Variants in ANP32A observed in about 807,000 individuals in gnomAD.
ANP32A encodes acidic leucine-rich nuclear phosphoprotein 32 family member A.
A neutral mutation model predicts 33.9 loss-of-function variants in ANP32A; 1 was observed. The observed-to-expected ratio is 0.03, with a 90% confidence interval of 0.01 to 0.14. ANP32A has a LOEUF of 0.14. ANP32A is among the 10% of genes least tolerant of loss of function. The pLI, the probability that ANP32A is intolerant of heterozygous loss-of-function variation, is 1.00. For missense variants in ANP32A, 155 were observed against 306.0 expected (o/e 0.51, Z 3.68); for synonymous variants, 115 against 120.5 (o/e 0.95, Z 0.30).
chr15:68,809,476 T>A (rs1894284000), intron 1 of ANP32A, among the ~76,000 whole-genome samples: 1 of 152,232 alleles, frequency 6.6e-6, no homozygotes, highest in South Asian at 2.1e-4. Context: ...GTATCCTTTT[T>A]AATTTATATT....
At chr15:68,787,285 A>C (rs1443056661) in intron 3 of ANP32A, 128 bp downstream of exon 3, 2 of 1,318,534 alleles carry the variant, frequency 1.5e-6, no homozygotes, top group East Asian at 4.7e-5. Flanking sequence ...GCTCAATTCT[A>C]TCTCATAGCA....
At chr15:68,783,287 G>T (rs982557015) in intron 4 of ANP32A, among the ~76,000 whole-genome samples, 5 of 152,186 alleles carry the variant, frequency 3.3e-5, no homozygotes, top group Admixed American at 6.5e-5. Context: ...CATGTGAAAG[G>T]CCCCTTCTGG....
At chr15:68,786,756 A>G (rs770748922) in intron 3 of ANP32A, among the ~76,000 whole-genome samples, 10 of 152,172 alleles carry the variant, frequency 6.6e-5, no homozygotes, top group Non-Finnish European at 1.0e-4. Context: ...TCTGGCTGGT[A>G]AATCAGTGAA....
intron 4 of ANP32A, 102 bp from the exon 5 acceptor site, chr15:68,783,155 G>GA (rs1343681177): frequency 1.0e-4 from 156 of 1,509,568 alleles, no homozygotes; most frequent in Non-Finnish European, 1.3e-4. Context: ...TGGGGCTCAT[G>GA]ACCCTCCCAC....
At chr15:68,787,250 C>T in intron 3 of ANP32A, 163 bp downstream of exon 3, 2 of 1,023,706 alleles carry the variant, frequency 2.0e-6, no homozygotes, top group South Asian at 3.2e-5. Context: ...GCCTCAGTTT[C>T]TCTATGGACT....
intron 1 of ANP32A, among the ~76,000 whole-genome samples, chr15:68,816,129 AAT>A (rs1169487221): frequency 1.3e-5 from 2 of 152,176 alleles, no homozygotes; most frequent in African/African-American, 4.8e-5. Flanking sequence ...CTGGCCCTCT[AAT>A]ATCTCCAACC....
rs1893892460 is a variant in ANP32A, at chr15:68,783,248, AAAGAT to A, written c.527-200_527-196del. On this transcript the variant is annotated intron_variant, in intron 4 of 6. Transcript: ENST00000465139. ...ATTAAACACATCCTGAAGTTGTGCC[AAAGAT>A]AAGCCCCCCTCACAAGTGTTATGCA... 3.9e-5 allele frequency among the ~76,000 whole-genome samples: 6 copies of A among 152,288 alleles called. No individual in the cohort carries two copies. In the South Asian group the frequency reaches 1.2e-3, roughly 32 times the overall value.
intron 4 of ANP32A, among the ~76,000 whole-genome samples, chr15:68,783,420 G>A (rs564642839): frequency 6.6e-6 from 1 of 152,206 alleles, no homozygotes; most frequent in Admixed American, 6.5e-5. Flanking sequence ...GAGGCACAGA[G>A]AGAACTGACT....
chr15:68,781,894 G>A (rs1001084166), intron 5 of ANP32A, among the ~76,000 whole-genome samples: 2 of 152,148 alleles, frequency 1.3e-5, no homozygotes, highest in South Asian at 2.1e-4. Flanking sequence ...GTGAGCCACC[G>A]CGCCTGGCCT....
intron 2 of ANP32A, 109 bp downstream of exon 2, chr15:68,787,661 T>C (rs1893949329): frequency 6.3e-7 from 1 of 1,594,030 alleles, no homozygotes. Context: ...TCTGGCATGT[T>C]GGTGCAAGCA....
intron 1 of ANP32A, among the ~76,000 whole-genome samples, chr15:68,815,429 C>A (rs1289359838): frequency 6.6e-6 from 1 of 151,150 alleles, no homozygotes; most frequent in Admixed American, 6.6e-5. Context: ...GTAACGAGAT[C>A]TGTTAACGAG....
chr15:68,807,434 G>T (rs1018095481), intron 1 of ANP32A, among the ~76,000 whole-genome samples: 3 of 147,522 alleles, frequency 2.0e-5, no homozygotes, highest in Non-Finnish European at 4.6e-5. Context: ...AAACGGGGGG[G>T]GGGGAGTCTC....
chr15:68,780,429 T>C lies in ANP32A; in HGVS notation c.669A>G (p.Glu223=). ...GYNDGEVDDE[E]DEEELGEEER... ...CCATACCACCAAGCTCTTCTTCATC[T>C]TCCTCGTCATCTACCTCTCCATCGT... Residue 223 remains glutamate, a synonymous_variant, in exon 6 of 7, where the codon GAA becomes GAG. Coordinates refer to ENST00000465139, the MANE Select transcript of ANP32A (RefSeq NM_006305.4). The surrounding 1 kb of genome is among the most constrained non-coding windows in gnomAD (Gnocchi z 4.3). 1 of 1,614,036 alleles carries C rather than the reference T, an allele frequency of 6.2e-7. No homozygotes were observed. The highest frequency in any genetic ancestry group is 1.1e-5 in the South Asian group (1 of 91,084).
At chr15:68,813,510 T>G (rs1894338900) in intron 1 of ANP32A, among the ~76,000 whole-genome samples, 1 of 152,214 alleles carries the variant, frequency 6.6e-6, no homozygotes, top group African/African-American at 2.4e-5. Flanking sequence ...ATAATTCTAT[T>G]TCAAAGCTAT....
In ANP32A at chr15:68,779,372, A is replaced by C. The variant is rs969218654; in HGVS notation, c.*709T>G. On this transcript the variant is annotated 3_prime_UTR_variant, in exon 7 of 7. Coordinates refer to ENST00000465139, the MANE Select transcript of ANP32A (RefSeq NM_006305.4). ...TGAAGTTTGAAGGTGTGTTTCTTCT[A>C]ATTTTAATTACCAAATCCATTTTCC... 1.3e-5 allele frequency: 2 copies of C among 152,098 alleles called. No homozygotes were observed. Among genetic ancestry groups the C allele is most frequent in the African/African-American group, 4.8e-5 (2 of 41,406 alleles). The allele number at this position is 152,098 out of a possible 1,614,324, so 9.4% of individuals were successfully genotyped here.
intron 1 of ANP32A, among the ~76,000 whole-genome samples, chr15:68,805,704 C>G (rs1894209995): frequency 6.6e-6 from 1 of 152,158 alleles, no homozygotes; most frequent in Admixed American, 6.5e-5. Context: ...TCCTAAGTTC[C>G]AGCTCATGGG....
At position 68,778,598 on chromosome 15, in the gene ANP32A, C is replaced by T. The variant is rs1008795667; in HGVS notation, c.*1483G>A. The T allele has an allele frequency of 4.6e-5, 7 of 152,102 alleles. No individual in the cohort carries two copies. The highest frequency in any genetic ancestry group is 2.1e-4 in the South Asian group (1 of 4,828). 9.4% of individuals were successfully genotyped at this position (152,102 alleles called of 1,614,324 possible). On this transcript the variant is annotated 3_prime_UTR_variant, in exon 7 of 7. Coordinates refer to ENST00000465139, the MANE Select transcript of ANP32A (RefSeq NM_006305.4). The stretch of plus-strand genomic sequence containing the variant: ...TCAACCATACATTCTTTTTACAATA[C>T]GACAAACAAAACAATGAAAGATATT...
intron 1 of ANP32A, among the ~76,000 whole-genome samples, chr15:68,814,548 G>A (rs1894355343): frequency 1.3e-5 from 2 of 152,110 alleles, no homozygotes; most frequent in African/African-American, 4.8e-5. Flanking sequence ...GAGGGAATTG[G>A]GGCTGTGGTG....
intron 1 of ANP32A, among the ~76,000 whole-genome samples, chr15:68,814,154 C>T (rs930429527): frequency 3.3e-5 from 5 of 152,036 alleles, no homozygotes; most frequent in South Asian, 2.1e-4. Flanking sequence ...CAGGCGTGAG[C>T]CACTGCACCC....
Sources: gnomAD v4.1 joint callset for allele counts (sites outside exome capture counted in the v4.1 genomes callset) on GRCh38, gnomAD v4.1.1 for gene constraint, Gnocchi (gnomAD v3.1) non-coding constraint, MANE v1.5 for transcripts, NCBI Gene and HGNC (gene_info 2026-07-23, HGNC 2026-07-21) for gene names.